The following COMMD1 variants were observed in gnomAD, a reference collection of about 807,000 sequenced individuals.
The protein encoded by COMMD1 is COMM domain-containing protein 1.
A neutral mutation model predicts 17.2 loss-of-function variants in COMMD1; 10 were observed. The observed-to-expected ratio is 0.58, with a 90% confidence interval of 0.36 to 0.99. The LOEUF is 0.99. Among genes scored for constraint, COMMD1 ranks in the 50% least tolerant of loss-of-function variants. The pLI is 0.01. For missense variants in COMMD1, 270 were observed against 231.8 expected, an observed-to-expected ratio of 1.17 and a Z score of -1.07; for synonymous variants, 97 against 91.6, an observed-to-expected ratio of 1.06 and a Z score of -0.34.
At chr2:62,053,899 A>C (rs1177863301) in intron 2 of COMMD1, among the ~76,000 whole-genome samples, 1 of 152,264 alleles carries the variant, frequency 6.6e-6, no homozygotes, top group Admixed American at 6.5e-5. Context: ...GAAATAACCC[A>C]CAGAGTAAAG....
chr2:61,917,623 G>A (rs1670083694), intron 1 of COMMD1, among the ~76,000 whole-genome samples: 1 of 152,006 alleles, frequency 6.6e-6, no homozygotes, highest in Non-Finnish European at 1.5e-5. Flanking sequence ...TGCCTCCCTG[G>A]TTCACGCTAT....
At chr2:61,918,183 G>A (rs751678879) in intron 1 of COMMD1, among the ~76,000 whole-genome samples, 32 of 152,244 alleles carry the variant, frequency 2.1e-4, no homozygotes, top group African/African-American at 7.2e-4. Flanking sequence ...TATCCAAAAA[G>A]ATGTCTAAAT....
chr2:62,098,082 C>T (rs529449246), intron 2 of COMMD1, among the ~76,000 whole-genome samples: 1 of 151,962 alleles, frequency 6.6e-6, no homozygotes, highest in South Asian at 2.1e-4. Context: ...CCATGGGACC[C>T]TTGCAAACTC....
chr2:62,117,902 G>A (rs945257531), intron 2 of COMMD1, among the ~76,000 whole-genome samples: 10 of 151,872 alleles, frequency 6.6e-5, no homozygotes, highest in East Asian at 1.9e-4. Flanking sequence ...CGCACTCCCC[G>A]CCCCCAACTT....
chr2:62,087,260 T>C lies in COMMD1; in HGVS notation c.463-48571T>C, dbSNP rs138168938. 2.0e-5 allele frequency among the ~76,000 whole-genome samples: 3 copies of C among 152,342 alleles called. No homozygotes were observed. In the East Asian group the frequency reaches 5.8e-4, roughly 29 times the overall value. ...TTTTTGTTCATATACCCTAAAGTCT[T>C]AATGATTTGGAGGTAGAGTCCGTGA... is the stretch of plus-strand genomic sequence containing the variant. On this transcript the variant is annotated intron_variant, in intron 2 of 2. Transcript: ENST00000311832.
intron 1 of COMMD1, among the ~76,000 whole-genome samples, chr2:61,995,406 C>T (rs1467279439): frequency 6.6e-6 from 1 of 152,226 alleles, no homozygotes; most frequent in East Asian, 1.9e-4. Flanking sequence ...TTTCTATTCA[C>T]TGTTAAACTG....
chr2:61,966,410 T>C (rs556903800), intron 1 of COMMD1, among the ~76,000 whole-genome samples: 3 of 151,984 alleles, frequency 2.0e-5, no homozygotes, highest in Non-Finnish European at 4.4e-5. Flanking sequence ...TTTTAAAATA[T>C]GTAAATTTGT....
rs7571084 is a variant in COMMD1, at chr2:62,136,044, T to C, written c.*103T>C. On this transcript the variant is annotated 3_prime_UTR_variant, in exon 3 of 3. Transcript: ENST00000311832. Reference sequence around the variant, plus strand: ...TTCTTGTGCCCGCATTGGTATTAAATCCTCGCATTCAGTCTTCCTGCCTCT... The same window carrying C: ...TTCTTGTGCCCGCATTGGTATTAAACCCTCGCATTCAGTCTTCCTGCCTCT... The C allele has an allele frequency of 6.1e-3, 4,390 of 718,928 alleles. 148 individuals are homozygous for C. The African/African-American group carries it at 0.07, about 11-fold the overall frequency. 44.5% of individuals were successfully genotyped at this position (718,928 alleles called of 1,614,324 possible).
intron 1 of COMMD1, among the ~76,000 whole-genome samples, chr2:61,892,637 T>C (rs1447182050): frequency 2.7e-5 from 4 of 148,930 alleles, no homozygotes; most frequent in Admixed American, 2.0e-4. Context: ...GAGGTTGCGG[T>C]GAGCCGAGAT....
intron 2 of COMMD1, among the ~76,000 whole-genome samples, chr2:62,112,605 C>A (rs768945131): frequency 1.3e-4 from 20 of 152,198 alleles, no homozygotes; most frequent in Non-Finnish European, 2.2e-4. Flanking sequence ...CTGTTTCATA[C>A]CTGACACAAT....
intron 2 of COMMD1, among the ~76,000 whole-genome samples, chr2:62,120,383 A>T (rs1672711602): frequency 6.6e-6 from 1 of 151,920 alleles, no homozygotes; most frequent in Non-Finnish European, 1.5e-5. Context: ...TTTGTTTGCA[A>T]ATGAGTTGTT....
In COMMD1 at chr2:61,938,058, G is replaced by A. The variant is rs74393924; in HGVS notation, c.180+32200G>A. On this transcript the variant is annotated intron_variant, in intron 1 of 2. Transcript: ENST00000311832. ...GATTGGGCCCAGTGGGATTGTTACA[G>A]GTAATTAGGCATGAGCTGGGCAGGA... Among the ~76,000 whole-genome samples the A allele has an allele frequency of 3.7e-4, 57 of 152,270 alleles. No individual in the cohort carries two copies. The East Asian group carries it at 0.011, about 29-fold the overall frequency.
chr2:62,011,632 A>G (rs1184212985), intron 2 of COMMD1, among the ~76,000 whole-genome samples: 1 of 152,148 alleles, frequency 6.6e-6, no homozygotes, highest in Non-Finnish European at 1.5e-5. Context: ...CAGACACTAC[A>G]TAGGAGTTGA....
intron 1 of COMMD1, among the ~76,000 whole-genome samples, chr2:61,961,841 C>T (rs980394141): frequency 1.3e-5 from 2 of 151,900 alleles, no homozygotes; most frequent in South Asian, 4.1e-4. Context: ...ATTAATTTCT[C>T]ATTTGTCTTT....
At chr2:62,089,995 AC>A (rs1161949471) in intron 2 of COMMD1, among the ~76,000 whole-genome samples, 1 of 152,112 alleles carries the variant, frequency 6.6e-6, no homozygotes, top group Non-Finnish European at 1.5e-5. Context: ...AGTTTTAAAT[AC>A]CTGTGATTTG....
At chr2:61,907,913 A>G (rs1669812522) in intron 1 of COMMD1, among the ~76,000 whole-genome samples, 2 of 150,780 alleles carry the variant, frequency 1.3e-5, no homozygotes, top group Admixed American at 6.6e-5. Flanking sequence ...CTAGTCTTGA[A>G]CTCCTGATAG....
At chr2:61,969,694 T>G (rs1479153445) in intron 1 of COMMD1, among the ~76,000 whole-genome samples, 4 of 152,196 alleles carry the variant, frequency 2.6e-5, no homozygotes, top group Admixed American at 2.0e-4. Context: ...GTTCACTTAC[T>G]TGATGGAAAT....
At chr2:61,922,318 G>T (rs79952302) in intron 1 of COMMD1, among the ~76,000 whole-genome samples, 4 of 151,942 alleles carry the variant, frequency 2.6e-5, no homozygotes, top group East Asian at 1.9e-4. Flanking sequence ...CAGTTTTTTT[G>T]TTTGTTTGTT....
At chr2:61,888,637 A>AAGAGGC, upstream of COMMD1, 1 of 1,130,882 alleles carries the variant, frequency 8.8e-7, no homozygotes, top group South Asian at 1.6e-5. Context: ...CGGCGTCGGG[A>AAGAGGC]GGAGGCGGAG....
Sources: gnomAD v4.1 joint callset for allele counts (sites outside exome capture counted in the v4.1 genomes callset) on GRCh38, gnomAD v4.1.1 for gene constraint, MANE v1.5 for transcripts, NCBI Gene and HGNC (gene_info 2026-07-23, HGNC 2026-07-21) for gene names.